The following FOXP2 variants were observed in gnomAD, a reference collection of about 807,000 sequenced individuals.
FOXP2 encodes the protein forkhead box protein P2.
A neutral mutation model predicts 115.8 loss-of-function variants in FOXP2; 12 were observed. The ratio of observed to expected loss-of-function variants is 0.10; its 90% CI spans 0.07 to 0.17. The LOEUF is 0.17. Ranked by LOEUF, FOXP2 falls within the 10% of genes least tolerant of loss-of-function variation. The pLI is 1.00. For synonymous variants in FOXP2, 328 were observed against 297.7 expected, an observed-to-expected ratio of 1.10 and a Z score of -1.05; for missense variants, 629 against 843.5, an observed-to-expected ratio of 0.75 and a Z score of 3.15.
At chr7:114,298,817 T>G (rs1248377813) in intron 2 of FOXP2, among the ~76,000 whole-genome samples, 1 of 152,208 alleles carries the variant, frequency 6.6e-6, no homozygotes, top group African/African-American at 2.4e-5. Flanking sequence ...ACCTGTATAT[T>G]AAATTTTTGG....
intron 1 of FOXP2, among the ~76,000 whole-genome samples, chr7:114,422,933 T>A (rs182112946): frequency 1.3e-5 from 2 of 151,788 alleles, no homozygotes; most frequent in Admixed American, 6.6e-5. Context: ...TGTCTTTATA[T>A]CCTGCTATTT....
At chr7:114,484,046 G>C (rs1467538154) in intron 2 of FOXP2, among the ~76,000 whole-genome samples, 1 of 151,702 alleles carries the variant, frequency 6.6e-6, no homozygotes, top group Non-Finnish European at 1.5e-5. Flanking sequence ...CCTTCTTAAT[G>C]TTATATGAAG....
chr7:114,155,323 C>A (rs1181922679), intron 1 of FOXP2, among the ~76,000 whole-genome samples: 1 of 152,062 alleles, frequency 6.6e-6, no homozygotes, highest in Non-Finnish European at 1.5e-5. Context: ...AGCTGTTCAG[C>A]ATTAACATTA....
chr7:114,318,728 C>T (rs1468729149), intron 2 of FOXP2, among the ~76,000 whole-genome samples: 18 of 124,434 alleles, frequency 1.4e-4, no homozygotes, highest in East Asian at 2.5e-4. Context: ...TATATATATA[C>T]ACACACACGC....
At chr7:114,589,600 T>C (rs1802341901) in intron 3 of FOXP2, among the ~76,000 whole-genome samples, 1 of 152,216 alleles carries the variant, frequency 6.6e-6, no homozygotes, top group Admixed American at 6.5e-5. Flanking sequence ...CTTAGACTAA[T>C]AATGCACTTC....
chr7:114,211,723 C>T (rs1409312655), intron 1 of FOXP2, among the ~76,000 whole-genome samples: 1 of 152,090 alleles, frequency 6.6e-6, no homozygotes, highest in South Asian at 2.1e-4. Flanking sequence ...ATGCACTGTC[C>T]GGGAGTCATG....
intron 1 of FOXP2, among the ~76,000 whole-genome samples, chr7:114,281,551 TTTGA>T (rs1409858727): frequency 6.6e-6 from 1 of 152,214 alleles, no homozygotes; most frequent in African/African-American, 2.4e-5. Flanking sequence ...TAGACTTTTC[TTTGA>T]TGATTGCTTG....
In FOXP2 at chr7:114,339,437, G is replaced by C. The variant is rs117515614; in HGVS notation, c.-11+51328G>C. Among the ~76,000 whole-genome samples, 602 of 151,188 alleles carry C rather than the reference G, an allele frequency of 4.0e-3. 9 individuals carry two copies. Among genetic ancestry groups the C allele is most frequent in the East Asian group, 0.032 (167 of 5,160 alleles). ...GCTTTTTGTGAACTTTTTTTTAGAAGTTCGACAGATGATAACATAAGGAAG... is the reference window on the plus strand; with the variant it reads ...GCTTTTTGTGAACTTTTTTTTAGAACTTCGACAGATGATAACATAAGGAAG... On this transcript the variant is annotated intron_variant, in intron 2 of 17. Transcript: ENST00000634411.
chr7:114,330,467 TAA>T (rs551427303), intron 2 of FOXP2, among the ~76,000 whole-genome samples: 4 of 133,056 alleles, frequency 3.0e-5, no homozygotes, highest in Non-Finnish European at 4.8e-5. Flanking sequence ...ATCTTGTCTC[TAA>T]AAAAAAAAAA....
At chr7:114,609,832 C>A (rs1013497541) in intron 3 of FOXP2, among the ~76,000 whole-genome samples, 1 of 152,224 alleles carries the variant, frequency 6.6e-6, no homozygotes, top group Non-Finnish European at 1.5e-5. Context: ...CCATTGTCAG[C>A]TCTTTATTCT....
At chr7:114,342,719 CTGTCTTT>C (rs1447831051) in intron 2 of FOXP2, among the ~76,000 whole-genome samples, 5 of 151,450 alleles carry the variant, frequency 3.3e-5, no homozygotes, top group Non-Finnish European at 7.4e-5. Flanking sequence ...CAACAGTCTT[CTGTCTTT>C]AACTATATTC....
At chr7:114,162,544 T>G (rs1402455933), upstream of FOXP2, among the ~76,000 whole-genome samples, 2 of 152,144 alleles carry the variant, frequency 1.3e-5, no homozygotes, top group Non-Finnish European at 2.9e-5. Flanking sequence ...CATCCTGTAA[T>G]TCTTCAGCCC....
chr7:114,676,919 T>A lies in FOXP2; in HGVS notation c.2003+12483T>A, dbSNP rs76536159. ...TGAGTCATAAATTTTAAGGTTTTGT[T>A]AACAGCATTTGTTGACATTTGTCAT... On this transcript the variant is annotated intron_variant, in intron 16 of 16. Transcript: ENST00000350908. 4.1e-3 allele frequency among the ~76,000 whole-genome samples: 626 copies of A among 152,230 alleles called. 4 individuals carry two copies. Among genetic ancestry groups the A allele is most frequent in the Non-Finnish European group, 5.4e-3 (366 of 68,010 alleles).
chr7:114,202,401 T>C (rs1794091216), intron 1 of FOXP2, among the ~76,000 whole-genome samples: 1 of 152,210 alleles, frequency 6.6e-6, no homozygotes, highest in African/African-American at 2.4e-5. Flanking sequence ...TTCAGGTCTG[T>C]TACAACCATT....
chr7:114,161,067 C>A (rs1288175617), upstream of FOXP2, among the ~76,000 whole-genome samples: 1 of 152,106 alleles, frequency 6.6e-6, no homozygotes, highest in African/African-American at 2.4e-5. Flanking sequence ...GTGCATTGGT[C>A]TTCACTGACC....
intron 1 of FOXP2, among the ~76,000 whole-genome samples, chr7:114,137,466 A>G (rs936387732): frequency 6.6e-6 from 1 of 152,164 alleles, no homozygotes; most frequent in Non-Finnish European, 1.5e-5. Flanking sequence ...CTTTCAATAA[A>G]CTTGTGTTCA....
upstream of FOXP2, among the ~76,000 whole-genome samples, chr7:114,087,550 G>T (rs1446715625): frequency 2.6e-5 from 4 of 151,418 alleles, no homozygotes; most frequent in African/African-American, 9.7e-5. Flanking sequence ...GAAGTCCACA[G>T]TGGCCCCGGC....
At chr7:114,518,752 C>T (rs561933482) in intron 2 of FOXP2, among the ~76,000 whole-genome samples, 9 of 152,118 alleles carry the variant, frequency 5.9e-5, no homozygotes, top group South Asian at 2.1e-4. Flanking sequence ...GTGATCTTCC[C>T]GCCTCGGCCT....
rs186587054 is a variant in FOXP2 at position 114,401,831 on chromosome 7, G to A, written c.-10-24671G>A. On this transcript the variant is annotated intron_variant, in intron 2 of 17. Coordinates refer to the FOXP2 transcript ENST00000634411. Reference sequence around the variant, plus strand: ...CCTAAAGTAAAAGCATACTAAAAAGGATATAGAGGCCAGGCATGGTGGCTC... The same window carrying A: ...CCTAAAGTAAAAGCATACTAAAAAGAATATAGAGGCCAGGCATGGTGGCTC... Among the ~76,000 whole-genome samples, 165 of 152,248 alleles carry A rather than the reference G, an allele frequency of 1.1e-3. 2 individuals are homozygous for A. The highest frequency in any genetic ancestry group is 3.8e-3 in the African/African-American group (157 of 41,564).
Sources: gnomAD v4.1 joint callset for allele counts (sites outside exome capture counted in the v4.1 genomes callset) on GRCh38, gnomAD v4.1.1 for gene constraint, MANE v1.5 for transcripts, NCBI Gene and HGNC (gene_info 2026-07-23, HGNC 2026-07-21) for gene names.